TMEM145: variants seen among roughly 807,000 people sequenced by gnomAD.
TMEM145 encodes transmembrane protein 145.
A neutral mutation model predicts 68.5 loss-of-function variants in TMEM145; 46 were observed. That is an observed-to-expected ratio of 0.67 (90% CI 0.53 to 0.86). The LOEUF (loss-of-function observed/expected upper bound fraction) is 0.86. Among genes scored for constraint, TMEM145 ranks in the 40% least tolerant of loss-of-function variants. The pLI, the probability that TMEM145 is intolerant of heterozygous loss-of-function variation, is 0.00. For synonymous variants in TMEM145, 255 were observed against 280.2 expected, an observed-to-expected ratio of 0.91 and a Z score of 0.90; for missense variants, 570 against 645.8, an observed-to-expected ratio of 0.88 and a Z score of 1.27.
At chr19:42,321,947 C>T (rs538750232) in intron 13 of TMEM145, among the ~76,000 whole-genome samples, 15 of 152,190 alleles carry the variant, frequency 9.9e-5, no homozygotes, top group African/African-American at 3.1e-4. Context: ...GGAGAAGTGA[C>T]GTGCCAGGGC....
At chr19:42,315,513 G>T in intron 8 of TMEM145, 73 bp downstream of exon 8, 1 of 1,508,096 alleles carries the variant, frequency 6.6e-7, no homozygotes. Flanking sequence ...GGCCTAAGAG[G>T]AATGCCTGGG....
At chr19:42,315,582 A>G (rs1290307030) in intron 8 of TMEM145, 142 bp downstream of exon 8, 3 of 642,072 alleles carry the variant, frequency 4.7e-6, no homozygotes, top group African/African-American at 2.3e-5. Flanking sequence ...CCTGGGTCCA[A>G]GGGAGAAGGG....
chr19:42,324,258 G>C, intron 14 of TMEM145: 1 of 985,182 alleles, frequency 1.0e-6, no homozygotes, highest in Non-Finnish European at 1.2e-6. Flanking sequence ...GACGGCCTCT[G>C]ACCCTGACCC....
At chr19:42,314,959 C>G in intron 5 of TMEM145, 34 bp from the exon 6 acceptor site, 2 of 1,613,636 alleles carry the variant, frequency 1.2e-6, no homozygotes, top group South Asian at 1.1e-5. Flanking sequence ...CCAACTTGCC[C>G]AGGGCCCCCC....
At chr19:42,314,423 C>G (rs1412377243) in intron 2 of TMEM145, 28 bp from the exon 3 acceptor site, 1 of 1,614,112 alleles carries the variant, frequency 6.2e-7, no homozygotes. Context: ...TGCCCCAGCT[C>G]CCGGTCCCCA....
At chr19:42,316,775 T>C (rs756323007) in intron 10 of TMEM145, 35 bp downstream of exon 10, 2 of 914,862 alleles carry the variant, frequency 2.2e-6, no homozygotes, top group Admixed American at 4.4e-5. Context: ...GGGCGGCTGG[T>C]GGGGGAGCAG....
Position 42,319,469 on chromosome 19 carries a change from C to T in TMEM145, c.1074-848C>T, listed in dbSNP as rs567500156. On this transcript the variant is annotated intron_variant, in intron 12 of 14. Transcript: ENST00000301204. ...GTTTGTTTGTTTTTTGTTTTTGAGA[C>T]GGAGTCTTGCTCTGTCGCCCAGGCT... is the stretch of plus-strand genomic sequence containing the variant. 3.9e-4 allele frequency among the ~76,000 whole-genome samples: 60 copies of T among 152,198 alleles called. 1 individual carries two copies. Among genetic ancestry groups the T allele is most frequent in the East Asian group, 1.4e-3 (7 of 5,172 alleles).
intron 14 of TMEM145, chr19:42,324,308 G>A: frequency 1.0e-6 from 1 of 985,246 alleles, no homozygotes; most frequent in Non-Finnish European, 1.2e-6. Context: ...GACAGCGGTG[G>A]CGGCGGCGGT....
intron 11 of TMEM145, 87 bp from the exon 12 acceptor site, chr19:42,317,622 T>G (rs2038871314): frequency 2.2e-6 from 3 of 1,351,374 alleles, no homozygotes; most frequent in Non-Finnish European, 3.1e-6. Flanking sequence ...CGAGTACCTC[T>G]GTTCCCAAGT....
At chr19:42,316,797 G>C in intron 10 of TMEM145, 57 bp downstream of exon 10, 2 of 1,609,322 alleles carry the variant, frequency 1.2e-6, no homozygotes, top group South Asian at 1.1e-5. Flanking sequence ...GCAGGGGCAG[G>C]GTTGGGGGGC....
At position 42,323,669 on chromosome 19, in the gene TMEM145, C is replaced by T. The variant is rs1275506028; in HGVS notation, c.1281C>T (p.Pro427=). The T allele has an allele frequency of 3.7e-6, 6 of 1,614,020 alleles. No homozygotes were observed. The highest frequency in any genetic ancestry group is 3.3e-4 in the Middle Eastern group (2 of 6,084). The change falls in exon 14 of 15, where the codon CCC becomes CCT. Residue 427 remains proline (P), a synonymous_variant. Coordinates refer to ENST00000301204, the MANE Select transcript of TMEM145 (RefSeq NM_173633.3). ...TCGCTTCAGCCGGAGTCCCTGGACC[C>T]GGAGGGAGCCAATCCGCTGACAAGG... is the stretch of plus-strand genomic sequence containing the variant. ...SQIASAGVPG[P]GGSQSADKAF...
chr19:42,324,552 G>A, intron 14 of TMEM145, 185 bp from the exon 15 acceptor site: 1 of 985,176 alleles, frequency 1.0e-6, no homozygotes, highest in African/African-American at 1.7e-5. Context: ...CCTGCCCCAT[G>A]GGCCATGACC....
intron 14 of TMEM145, chr19:42,324,137 C>T (rs2038942843): frequency 1.3e-5 from 8 of 615,210 alleles, no homozygotes; most frequent in East Asian, 1.4e-4. Context: ...CCAGGCGCCC[C>T]GCCACCCAGT....
chr19:42,320,406 G>T lies in TMEM145; in HGVS notation c.1163G>T (p.Gly388Val). The T allele has an allele frequency of 6.2e-7, 1 of 1,614,162 alleles. No individual in the cohort carries two copies. The highest frequency in any genetic ancestry group is 8.5e-7 in the Non-Finnish European group (1 of 1,180,044). The change falls in exon 13 of 15, where the codon GGG (glycine) becomes GTG (valine). Residue 388 changes from glycine (G) to valine (V), a missense_variant. Transcript: ENST00000301204. ...REKIVNGIQL[G>V]IHLYAHGVFL... ...AAGATTGTCAATGGCATCCAGCTGG[G>T]GATCCACTTGTACGCCCATGGCGTG...
chr19:42,316,588 G>C (rs759931331), intron 9 of TMEM145, 27 bp downstream of exon 9: 1 of 1,613,988 alleles, frequency 6.2e-7, no homozygotes, highest in Admixed American at 1.7e-5. Flanking sequence ...GTGGGGAGAG[G>C]GTGGAGCCCA....
chr19:42,323,097 G>C (rs2038926732), intron 13 of TMEM145, among the ~76,000 whole-genome samples: 1 of 152,172 alleles, frequency 6.6e-6, no homozygotes, highest in Non-Finnish European at 1.5e-5. Context: ...CTGCCTCATC[G>C]AGACATTTTA....
At chr19:42,324,295 G>A in intron 14 of TMEM145, 1 of 985,374 alleles carries the variant, frequency 1.0e-6, no homozygotes, top group Non-Finnish European at 1.2e-6. Context: ...AGCAGGTGGA[G>A]GAGACAGCGG....
At chr19:42,314,024 G>A (rs2038828885) in intron 1 of TMEM145, among the ~76,000 whole-genome samples, 1 of 151,970 alleles carries the variant, frequency 6.6e-6, no homozygotes, top group African/African-American at 2.4e-5. Context: ...AAGATCCCGG[G>A]AAATGCAGGG....
Position 42,324,935 on chromosome 19 carries a change from C to T in TMEM145, c.*118C>T, listed in dbSNP as rs754254326. On this transcript the variant is annotated 3_prime_UTR_variant, in exon 15 of 15. Transcript: ENST00000301204. ...TGGTCTCGACCCTGAAACCCTCCCT[C>T]GGATCTGTGACCTCGGACCCGTACT... The T allele has an allele frequency of 2.1e-4, 274 of 1,310,408 alleles. No individual in the cohort carries two copies. The highest frequency in any genetic ancestry group is 2.5e-4 in the Non-Finnish European group (255 of 1,029,620). 81.2% of individuals were successfully genotyped at this position (1,310,408 alleles called of 1,614,324 possible).
Sources: gnomAD v4.1 joint callset for allele counts (sites outside exome capture counted in the v4.1 genomes callset) on GRCh38, gnomAD v4.1.1 for gene constraint, MANE v1.5 for transcripts, NCBI Gene and HGNC (gene_info 2026-07-23, HGNC 2026-07-21) for gene names.